The following THSD7B variants were observed in gnomAD, a reference collection of about 807,000 sequenced individuals.
THSD7B encodes the protein thrombospondin type 1 domain containing 7B.
In THSD7B, 138 loss-of-function variants were observed where a neutral mutation model predicts 213.6. The observed-to-expected ratio is 0.65, with a 90% CI of 0.56 to 0.74. The LOEUF (loss-of-function observed/expected upper bound fraction) is 0.74. Among genes scored for constraint, THSD7B ranks in the 30% least tolerant of loss-of-function variants. The pLI is 0.00. For synonymous variants in THSD7B, 742 were observed against 687.0 expected, an observed-to-expected ratio of 1.08 and a Z score of -1.25; for missense variants, 1,931 against 1,991.5, an observed-to-expected ratio of 0.97 and a Z score of 0.58.
chr2:136,903,003 G>T (rs900516819), intron 2 of THSD7B, among the ~76,000 whole-genome samples: 2 of 152,152 alleles, frequency 1.3e-5, no homozygotes, highest in Non-Finnish European at 2.9e-5. Context: ...TTCGTACTAG[G>T]GTATGAGTGT....
At chr2:137,396,681 C>T (rs376583215) in intron 12 of THSD7B, among the ~76,000 whole-genome samples, 4,439 of 109,484 alleles carry the variant, frequency 0.041, 65 homozygotes, top group Non-Finnish European at 0.048. Context: ...CTATTAGGTC[C>T]GCTTGGTGCA....
chr2:137,604,799 A>T (rs1682141325), intron 17 of THSD7B, among the ~76,000 whole-genome samples: 1 of 152,144 alleles, frequency 6.6e-6, no homozygotes, highest in Non-Finnish European at 1.5e-5. Context: ...CTATTACCTT[A>T]AAAAGTATCT....
At chr2:137,371,963 A>ACAT (rs1308892907) in intron 12 of THSD7B, among the ~76,000 whole-genome samples, 1 of 152,116 alleles carries the variant, frequency 6.6e-6, no homozygotes, top group Non-Finnish European at 1.5e-5. Context: ...TTTATGACAG[A>ACAT]CATTGTCCTC....
At chr2:137,127,477 G>A (rs1206911673) in intron 5 of THSD7B, among the ~76,000 whole-genome samples, 3 of 152,146 alleles carry the variant, frequency 2.0e-5, no homozygotes, top group African/African-American at 7.2e-5. Flanking sequence ...ATTACTTTTT[G>A]GTAAAATGAA....
chr2:136,888,061 A>G (rs1199292472), intron 2 of THSD7B, among the ~76,000 whole-genome samples: 1 of 152,122 alleles, frequency 6.6e-6, no homozygotes, highest in Non-Finnish European at 1.5e-5. Context: ...TTGTGCTTTT[A>G]TGTTATACAA....
chr2:137,093,466 C>T (rs1309344637), intron 3 of THSD7B, among the ~76,000 whole-genome samples: 2 of 152,162 alleles, frequency 1.3e-5, no homozygotes, highest in East Asian at 3.9e-4. Context: ...TTTGCAAATT[C>T]CTGAAAATTT....
intron 10 of THSD7B, among the ~76,000 whole-genome samples, chr2:137,264,577 A>AT (rs1157191749): frequency 6.6e-6 from 1 of 152,010 alleles, no homozygotes; most frequent in Non-Finnish European, 1.5e-5. Context: ...ACAATTTGGA[A>AT]TTTTTTTCCA....
intron 21 of THSD7B, among the ~76,000 whole-genome samples, chr2:137,650,841 G>A (rs755039983): frequency 2.6e-5 from 4 of 152,116 alleles, no homozygotes; most frequent in African/African-American, 7.2e-5. Flanking sequence ...TGAAATGATC[G>A]TATGGTTTTT....
intron 2 of THSD7B, among the ~76,000 whole-genome samples, chr2:137,042,627 A>G: frequency 6.6e-6 from 1 of 152,170 alleles, no homozygotes; most frequent in Admixed American, 6.5e-5. Context: ...TCCACTTAAA[A>G]CATTTTGGAA....
At chr2:137,204,165 C>T (rs921336124) in intron 7 of THSD7B, among the ~76,000 whole-genome samples, 4 of 151,912 alleles carry the variant, frequency 2.6e-5, no homozygotes, top group African/African-American at 9.7e-5. Flanking sequence ...CTGGAGTGGG[C>T]ACCATGGAAA....
At chr2:137,053,382 C>T (rs1687103658) in intron 2 of THSD7B, among the ~76,000 whole-genome samples, 1 of 151,776 alleles carries the variant, frequency 6.6e-6, no homozygotes, top group African/African-American at 2.4e-5. Context: ...TCCAATGATG[C>T]AGAAAAAATT....
At chr2:136,860,197 C>T (rs910427921) in intron 1 of THSD7B, among the ~76,000 whole-genome samples, 4 of 151,610 alleles carry the variant, frequency 2.6e-5, no homozygotes, top group Non-Finnish European at 5.9e-5. Flanking sequence ...CTTAGGAGGC[C>T]AGGGCAGTAG....
chr2:136,834,391 T>C (rs979438006), intron 1 of THSD7B, among the ~76,000 whole-genome samples: 13 of 152,206 alleles, frequency 8.5e-5, no homozygotes, highest in Admixed American at 6.5e-4. Context: ...AGAAAATTAG[T>C]GGTAGAGTCT....
intron 4 of THSD7B, among the ~76,000 whole-genome samples, chr2:137,113,882 A>T (rs567953280): frequency 6.6e-6 from 1 of 152,334 alleles, no homozygotes; most frequent in South Asian, 2.1e-4. Context: ...AGAAAAACTC[A>T]TGTTACAACA....
At chr2:137,083,173 A>G (rs187698183) in intron 3 of THSD7B, among the ~76,000 whole-genome samples, 8 of 152,240 alleles carry the variant, frequency 5.3e-5, no homozygotes, top group East Asian at 3.9e-4. Flanking sequence ...GAGAAAGGCT[A>G]TGTAACTCAA....
At chr2:137,336,532 G>A (rs1465698338) in intron 12 of THSD7B, among the ~76,000 whole-genome samples, 1 of 152,134 alleles carries the variant, frequency 6.6e-6, no homozygotes, top group African/African-American at 2.4e-5. Context: ...TCCACCTTCT[G>A]GATGGGTTTC....
intron 16 of THSD7B, among the ~76,000 whole-genome samples, chr2:137,571,634 A>G (rs1681356568): frequency 1.3e-5 from 2 of 152,214 alleles, no homozygotes; most frequent in Admixed American, 1.3e-4. Flanking sequence ...TGGCAAGCAT[A>G]TAGTGGTATA....
chr2:137,279,017 A>G (rs930848132), intron 12 of THSD7B, among the ~76,000 whole-genome samples: 2 of 152,090 alleles, frequency 1.3e-5, no homozygotes, highest in African/African-American at 4.8e-5. Context: ...GGGACCTGGG[A>G]GGTGTTGTCT....
intron 17 of THSD7B, among the ~76,000 whole-genome samples, chr2:137,574,935 T>A (rs916582697): frequency 6.6e-6 from 1 of 152,106 alleles, no homozygotes; most frequent in Non-Finnish European, 1.5e-5. Context: ...CTGTAGAACA[T>A]GAGCTGATTT....
Sources: gnomAD v4.1 joint callset for allele counts (sites outside exome capture counted in the v4.1 genomes callset) on GRCh38, gnomAD v4.1.1 for gene constraint, MANE v1.5 for transcripts, NCBI Gene and HGNC (gene_info 2026-07-23, HGNC 2026-07-21) for gene names.